The following ARHGAP26 variants were observed in gnomAD, a reference collection of about 807,000 sequenced individuals.
ARHGAP26 encodes the protein Rho GTPase activating protein 26.
ARHGAP26 carries 38 observed loss-of-function variants against 104.8 expected under a neutral mutation model. The observed-to-expected ratio is 0.36, with a 90% CI of 0.28 to 0.48. The LOEUF is 0.48. Among genes scored for constraint, ARHGAP26 ranks in the 20% least tolerant of loss-of-function variants. The pLI, the probability that ARHGAP26 is intolerant of heterozygous loss-of-function variation, is 0.99. For synonymous variants in ARHGAP26, 341 were observed against 340.0 expected, an observed-to-expected ratio of 1.00 and a Z score of -0.03; for missense variants, 704 against 947.9, an observed-to-expected ratio of 0.74 and a Z score of 3.38.
chr5:143,123,964 A>AACACAC (rs34527854), intron 18 of ARHGAP26, among the ~76,000 whole-genome samples: 46 of 151,234 alleles, frequency 3.0e-4, no homozygotes, highest in East Asian at 2.1e-3. Context: ...CTGTAATAGA[A>AACACAC]ACACACACAC....
intron 17 of ARHGAP26, among the ~76,000 whole-genome samples, chr5:143,102,542 C>T (rs913611350): frequency 2.0e-5 from 3 of 152,342 alleles, no homozygotes; most frequent in Admixed American, 2.0e-4. Flanking sequence ...CTGCTGGACC[C>T]ATGCCGGTCA....
chr5:143,137,933 C>G (rs191787987), intron 19 of ARHGAP26, among the ~76,000 whole-genome samples: 16 of 152,350 alleles, frequency 1.1e-4, no homozygotes, highest in Non-Finnish European at 1.6e-4. Context: ...CCTCTTCCTT[C>G]CCAGAGAAGA....
In ARHGAP26 at chr5:143,132,315, A is replaced by T. The variant is rs562745672; in HGVS notation, c.1699-1652A>T. On this transcript the variant is annotated intron_variant, in intron 18 of 22. Transcript: ENST00000645722. ...TTTTGAGTTCTGTTTTTAAATGCAC[A>T]CAGAAAAGGAGAGAGGACCATGAGA... is the stretch of plus-strand genomic sequence containing the variant. Among the ~76,000 whole-genome samples the T allele has an allele frequency of 5.3e-5, 8 of 151,640 alleles. No homozygotes were observed. The South Asian group carries it at 1.7e-3, about 32-fold the overall frequency.
chr5:142,850,478 T>G (rs1045832703), intron 1 of ARHGAP26, among the ~76,000 whole-genome samples: 9 of 152,244 alleles, frequency 5.9e-5, no homozygotes, highest in Admixed American at 5.2e-4. Context: ...ACATTCTGTA[T>G]TTTTGAAGCA....
intron 5 of ARHGAP26, among the ~76,000 whole-genome samples, chr5:142,893,501 T>C (rs749637392): frequency 6.6e-6 from 1 of 152,228 alleles, no homozygotes; most frequent in Admixed American, 6.5e-5. Context: ...CATTCATCCA[T>C]TGAACACTTA....
At chr5:142,880,504 A>G (rs1756819269) in intron 4 of ARHGAP26, among the ~76,000 whole-genome samples, 1 of 135,576 alleles carries the variant, frequency 7.4e-6, no homozygotes, top group Admixed American at 7.2e-5. Context: ...GCAACAGAGC[A>G]AGACTCCATG....
intron 4 of ARHGAP26, among the ~76,000 whole-genome samples, chr5:142,881,595 A>G (rs1057386089): frequency 2.0e-5 from 3 of 152,204 alleles, no homozygotes; most frequent in African/African-American, 7.2e-5. Context: ...TTGTGATGAC[A>G]TTTGGGTGAT....
chr5:142,930,181 A>G (rs1764509603), intron 10 of ARHGAP26, among the ~76,000 whole-genome samples: 1 of 152,208 alleles, frequency 6.6e-6, no homozygotes. Flanking sequence ...TGCAATAGAC[A>G]GTAGCTGCAG....
chr5:143,045,352 A>T (rs1040575571), intron 14 of ARHGAP26, among the ~76,000 whole-genome samples: 1 of 152,246 alleles, frequency 6.6e-6, no homozygotes, highest in South Asian at 2.1e-4. Flanking sequence ...TTGAAAGTTG[A>T]GAATGATATC....
chr5:142,948,363 GTA>G (rs1020703991), intron 11 of ARHGAP26, among the ~76,000 whole-genome samples: 3 of 151,238 alleles, frequency 2.0e-5, no homozygotes, highest in Admixed American at 6.6e-5. Flanking sequence ...ATGTGAATAT[GTA>G]TATATATATG....
At position 143,138,886 on chromosome 5, in the gene ARHGAP26, C is replaced by T. The variant is rs142119976; in HGVS notation, c.1837+4781C>T. On this transcript the variant is annotated intron_variant, in intron 19 of 22. Transcript: ENST00000645722. ...TAAATAGTGTACGCTCAGGGTTACA[C>T]GGCAACAACGTAGATTTGAACCCTG... Among the ~76,000 whole-genome samples the T allele has an allele frequency of 2.6e-3, 396 of 152,312 alleles. 1 individual carries two copies. The highest frequency in any genetic ancestry group is 4.0e-3 in the Admixed American group (61 of 15,296).
chr5:143,210,262 A>G (rs551662121), intron 21 of ARHGAP26, among the ~76,000 whole-genome samples: 2 of 152,286 alleles, frequency 1.3e-5, no homozygotes, highest in African/African-American at 4.8e-5. Context: ...GCAGGCAAAA[A>G]GAGAGTTTGT....
chr5:143,135,888 C>T (rs938347956), intron 19 of ARHGAP26, among the ~76,000 whole-genome samples: 3 of 152,242 alleles, frequency 2.0e-5, no homozygotes, highest in Non-Finnish European at 4.4e-5. Flanking sequence ...GTCATTCTCA[C>T]TGTGGTCTGC....
chr5:143,071,892 G>A (rs981659604), intron 17 of ARHGAP26, among the ~76,000 whole-genome samples: 3 of 152,158 alleles, frequency 2.0e-5, no homozygotes, highest in Non-Finnish European at 2.9e-5. Flanking sequence ...GCAACAGAAC[G>A]AGACTCCATC....
At chr5:143,210,781 G>T (rs567343253) in intron 21 of ARHGAP26, among the ~76,000 whole-genome samples, 16 of 152,310 alleles carry the variant, frequency 1.1e-4, no homozygotes, top group Non-Finnish European at 1.8e-4. Context: ...GGAAACTCCT[G>T]TGAGTGCTTT....
chr5:142,782,183 G>A (rs907157113), intron 1 of ARHGAP26, among the ~76,000 whole-genome samples: 2 of 152,202 alleles, frequency 1.3e-5, no homozygotes, highest in African/African-American at 4.8e-5. Context: ...GAATCGTGGT[G>A]TGTGATGGGG....
At chr5:143,066,356 T>C (rs997601639) in intron 17 of ARHGAP26, among the ~76,000 whole-genome samples, 3 of 152,248 alleles carry the variant, frequency 2.0e-5, no homozygotes, top group Non-Finnish European at 2.9e-5. Context: ...ATATCTCCAT[T>C]GTTAAGCGAT....
At chr5:143,115,049 A>G (rs1327569312) in intron 17 of ARHGAP26, among the ~76,000 whole-genome samples, 1 of 152,148 alleles carries the variant, frequency 6.6e-6, no homozygotes, top group African/African-American at 2.4e-5. Context: ...AATAAGTACT[A>G]TAGCCAGGTG....
intron 20 of ARHGAP26, among the ~76,000 whole-genome samples, chr5:143,160,476 T>G (rs76663320): frequency 3.7e-5 from 1 of 27,338 alleles, no homozygotes; most frequent in Non-Finnish European, 7.5e-5. Context: ...CTTTTGGTGG[T>G]TTTTTTTTCT....
Sources: allele counts gnomAD v4.1 joint callset (sites outside exome capture counted in the v4.1 genomes callset), GRCh38; gene constraint gnomAD v4.1.1; transcripts MANE v1.5; gene names NCBI Gene and HGNC (gene_info 2026-07-23, HGNC 2026-07-21).